Variants in MGAM observed in about 807,000 individuals in gnomAD.
MGAM encodes alpha-1,4-glucosidase.
Under a neutral mutation model 358.8 loss-of-function variants are expected in MGAM, and 253 were observed. The observed-to-expected ratio is 0.71, with a 90% CI of 0.64 to 0.78. MGAM has a LOEUF of 0.78. Among genes scored for constraint, MGAM ranks in the 30% least tolerant of loss-of-function variants. MGAM has a pLI of 0.00. For missense variants in MGAM, 3,080 were observed against 3,432.6 expected (o/e 0.90, Z 2.57); for synonymous variants, 1,105 against 1,227.1 (o/e 0.90, Z 2.08).
intron 30 of MGAM, among the ~76,000 whole-genome samples, chr7:142,057,349 G>T (rs1163041057): frequency 9.9e-5 from 15 of 150,856 alleles, no homozygotes; most frequent in Non-Finnish European, 2.1e-4. Context: ...TGATGATGAC[G>T]GTGATAGTGG....
chr7:142,031,626 T>C, intron 12 of MGAM, 54 bp from the exon 13 acceptor site: 1 of 1,228,324 alleles, frequency 8.1e-7, no homozygotes, highest in Non-Finnish European at 1.2e-6. Context: ...TACTTTCCTT[T>C]AGTCTATATT....
intron 22 of MGAM, among the ~76,000 whole-genome samples, chr7:142,048,940 A>G (rs1810675390): frequency 6.6e-6 from 1 of 152,286 alleles, no homozygotes; most frequent in Non-Finnish European, 1.5e-5. Context: ...ATCACCACCC[A>G]TACTGTAGAC....
chr7:142,048,113 CTTTTTATTTATTTATTTATTTATT>C (rs201097093), intron 22 of MGAM, among the ~76,000 whole-genome samples: 20,360 of 147,580 alleles, frequency 0.14, 1,674 homozygotes, highest in East Asian at 0.24. Context: ...CTATAATAGG[CTTTTTATTTATTTATTTATTTATT>C]TATTTATTTA....
Position 142,064,421 on chromosome 7 carries a change from C to T in MGAM, c.4383C>T (p.Thr1461=). Residue 1461 remains threonine (T), a synonymous_variant, in exon 37 of 71, where the codon ACC becomes ACT. Coordinates refer to ENST00000475668, the MANE Select transcript of MGAM (RefSeq NM_001365693.1). ...GGGACAGGGGCCTGAGCAGCAAGAC[C>T]CTTTGTATGGAGAGTCAGCAGATCC... ...ESRDRGLSSK[T]LCMESQQILP... is the part of the protein sequence containing the mutation. 3 of 1,608,178 alleles carry T rather than the reference C, an allele frequency of 1.9e-6. No homozygotes were observed. The highest frequency in any genetic ancestry group is 1.1e-5 in the South Asian group (1 of 89,418).
intron 21 of MGAM, among the ~76,000 whole-genome samples, chr7:142,042,951 A>G (rs1360181774): frequency 1.6e-5 from 1 of 64,106 alleles, no homozygotes; most frequent in East Asian, 4.5e-4. Flanking sequence ...TATATATTAT[A>G]TATACATATA....
chr7:142,064,374 T>C lies in MGAM; in HGVS notation c.4346-10T>C. On this transcript the variant is annotated splice_polypyrimidine_tract_variant and intron_variant, in intron 36 of 70. Coordinates refer to ENST00000475668, the MANE Select transcript of MGAM (RefSeq NM_001365693.1). ...GGCTGGGTTTCACCTCGCCAGTTCT[T>C]CCTCCTCAGATTTGGAGTCCAGGGA... 6.2e-7 allele frequency: 1 copy of C among 1,604,404 alleles called. No individual in the cohort carries two copies. The highest frequency in any genetic ancestry group is 8.5e-7 in the Non-Finnish European group (1 of 1,175,558).
rs902260519 is a variant in MGAM at position 142,034,329 on chromosome 7, G to C, written c.1737G>C (p.Gln579His). The C allele has an allele frequency of 6.3e-7, 1 of 1,597,766 alleles. No homozygotes were observed. The highest frequency in any genetic ancestry group is 1.7e-4 in the Middle Eastern group (1 of 6,024). Residue 579 changes from glutamine to histidine, a missense_variant, in exon 15 of 71, where the codon CAG (glutamine) becomes CAC (histidine). Transcript: ENST00000475668. ...CMDAVQHWGKQYDIHNLYGYS... is the reference protein window; with the variant it reads ...CMDAVQHWGKHYDIHNLYGYS... ...ATGCAGTGCAGCACTGGGGCAAGCA[G>C]TATGACATTCACAATCTGTATGGCT...
At chr7:142,050,957 C>T in intron 24 of MGAM, 93 bp downstream of exon 24, 5 of 1,552,464 alleles carry the variant, frequency 3.2e-6, no homozygotes, top group Non-Finnish European at 3.5e-6. Flanking sequence ...CCCTGAAGGA[C>T]CAGGGCACCT....
chr7:142,059,729 A>G, intron 32 of MGAM, 127 bp from the exon 33 acceptor site: 2 of 1,572,302 alleles, frequency 1.3e-6, no homozygotes, highest in Non-Finnish European at 8.7e-7. Flanking sequence ...TGTATTTCCC[A>G]GGACTCACAG....
At position 142,019,226 on chromosome 7, in the gene MGAM, T is replaced by C. The variant is rs376282334; in HGVS notation, c.355T>C (p.Trp119Arg). The C allele has an allele frequency of 7.7e-5, 124 of 1,613,498 alleles. No homozygotes were observed. Among genetic ancestry groups the C allele is most frequent in the Non-Finnish European group, 1.9e-5 (22 of 1,179,664 alleles). Residue 119 changes from tryptophan (W) to arginine (R), a missense_variant, in exon 4 of 71, where the codon TGG becomes CGG. Physicochemically the swap from Trp to Arg is moderately radical, Grantham distance 101. Around this residue, in one of 5 missense-constraint regions of MGAM, gnomAD observed 1,816 missense variants for 1,840.5 expected, o/e 0.99. Coordinates refer to ENST00000475668, the MANE Select transcript of MGAM (RefSeq NM_001365693.1). ...CACATGTGACCAACGTGGCTGTTGC[T>C]GGAATCCCCAGGGAGCTGTAAGTGT... ...KATCDQRGCCWNPQGAVSVPW... is the reference protein window; with the variant it reads ...KATCDQRGCCRNPQGAVSVPW...
At chr7:142,089,522 G>T (rs973652254) in intron 57 of MGAM, among the ~76,000 whole-genome samples, 1 of 146,382 alleles carries the variant, frequency 6.8e-6, no homozygotes. Flanking sequence ...TTAAAAGTAG[G>T]CCGGGCATGG....
chr7:142,032,768 G>A (rs1584950638), intron 13 of MGAM, 57 bp from the exon 14 acceptor site: 5 of 1,034,288 alleles, frequency 4.8e-6, no homozygotes, highest in East Asian at 2.5e-5. Flanking sequence ...ACACCATCAC[G>A]ACATCATAAG....
intron 3 of MGAM, among the ~76,000 whole-genome samples, chr7:142,013,280 G>A (rs75893066): frequency 0.014 from 2,144 of 152,156 alleles, 52 homozygotes; most frequent in East Asian, 0.1. Context: ...GAGGTCTAAT[G>A]CGAATTGTGA....
chr7:142,073,332 G>A (rs1296680953), intron 44 of MGAM, among the ~76,000 whole-genome samples: 1 of 146,316 alleles, frequency 6.8e-6, no homozygotes, highest in East Asian at 2.0e-4. Flanking sequence ...CTTGCATAGT[G>A]AAAGGCTGAA....
At chr7:142,041,462 C>A (rs1808530387) in intron 21 of MGAM, among the ~76,000 whole-genome samples, 2 of 151,972 alleles carry the variant, frequency 1.3e-5, no homozygotes, top group African/African-American at 4.8e-5. Context: ...CAGTTGGCTT[C>A]CTTTTTCTAA....
chr7:141,992,009 C>T (rs1313103590), upstream of MGAM, among the ~76,000 whole-genome samples: 6 of 152,124 alleles, frequency 3.9e-5, no homozygotes, highest in African/African-American at 1.4e-4. Flanking sequence ...CCTTTGTAAA[C>T]ATGAATGACT....
chr7:142,065,468 G>T lies in MGAM; in HGVS notation c.4618G>T (p.Gly1540Cys). 6.2e-7 allele frequency: 1 copy of T among 1,610,446 alleles called. No individual in the cohort carries two copies. The highest frequency in any genetic ancestry group is 8.5e-7 in the Non-Finnish European group (1 of 1,179,074). Reference sequence around the variant, plus strand: ...GGATCAGCTGAAGAAGTCTATCATTGGTGCGTGGGTCCTTCCCCAGGGCCT... The same window carrying T: ...GGATCAGCTGAAGAAGTCTATCATTTGTGCGTGGGTCCTTCCCCAGGGCCT... ...AWDQLKKSII[G>C]MMEFSLFGIS... The change falls in exon 38 of 71, where the codon GGC (glycine) becomes TGC (cysteine). Residue 1540 changes from glycine to cysteine, a missense_variant and splice_region_variant. This residue lies in a region of MGAM where 134 missense variants were observed against 198.4 expected (regional missense o/e 0.68). Transcript: ENST00000475668.
chr7:142,104,625 A>T (rs1224225201), intron 70 of MGAM, among the ~76,000 whole-genome samples: 1 of 152,182 alleles, frequency 6.6e-6, no homozygotes, highest in Non-Finnish European at 1.5e-5. Flanking sequence ...TAATCCTTAA[A>T]TGTTTTCAGC....
At chr7:142,095,200 G>A (rs1815783574) in intron 63 of MGAM, among the ~76,000 whole-genome samples, 1 of 152,106 alleles carries the variant, frequency 6.6e-6, no homozygotes, top group Admixed American at 6.6e-5. Context: ...CGTGGCCTCA[G>A]TCCCCGAAAG....
Sources: allele counts gnomAD v4.1 joint callset (sites outside exome capture counted in the v4.1 genomes callset), GRCh38; gene constraint gnomAD v4.1.1; regional missense constraint gnomAD v4.1.1; transcripts MANE v1.5; gene names NCBI Gene and HGNC (gene_info 2026-07-23, HGNC 2026-07-21).